Variants in KDM1A observed in about 807,000 individuals in gnomAD.
The protein encoded by KDM1A is lysine-specific histone demethylase 1A.
Under a neutral mutation model 109.4 loss-of-function variants are expected in KDM1A, and 49 were observed. That is an observed-to-expected ratio of 0.45 (90% CI 0.36 to 0.57). The LOEUF is 0.57. Among genes scored for constraint, KDM1A ranks in the 20% least tolerant of loss-of-function variants. The pLI, the probability that KDM1A is intolerant of heterozygous loss-of-function variation, is 0.00. For synonymous variants in KDM1A, 380 were observed against 415.4 expected (o/e 0.91, Z 1.04); for missense variants, 668 against 1,116.6 (o/e 0.60, Z 5.73).
At chr1:23,053,204 G>C (rs1418824029) in intron 4 of KDM1A, among the ~76,000 whole-genome samples, 2 of 152,034 alleles carry the variant, frequency 1.3e-5, no homozygotes, top group African/African-American at 4.8e-5. Context: ...TAGCTCTATG[G>C]ATTTGGCAAG....
intron 2 of KDM1A, among the ~76,000 whole-genome samples, chr1:23,032,622 A>G (rs2124380895): frequency 6.6e-6 from 1 of 152,268 alleles, no homozygotes; most frequent in South Asian, 2.1e-4. Context: ...TTCTTCCTTT[A>G]AAACAACTTA....
intron 4 of KDM1A, among the ~76,000 whole-genome samples, chr1:23,051,168 C>T (rs1365596142): frequency 6.6e-6 from 1 of 152,082 alleles, no homozygotes; most frequent in Non-Finnish European, 1.5e-5. Flanking sequence ...AAATCTTTAC[C>T]CTGTTCTGCT....
chr1:23,057,700 G>A, intron 8 of KDM1A, 135 bp downstream of exon 8: 1 of 534,312 alleles, frequency 1.9e-6, no homozygotes, highest in Non-Finnish European at 3.4e-6. Context: ...ATAGCAGTAT[G>A]TGGAAAATGT....
At chr1:23,058,307 G>C (rs1642897161) in intron 8 of KDM1A, among the ~76,000 whole-genome samples, 2 of 152,066 alleles carry the variant, frequency 1.3e-5, no homozygotes, top group Admixed American at 1.3e-4. Context: ...TCAAACTCCT[G>C]ACCTCAGGTG....
rs1462819020 is a variant in KDM1A at position 23,030,362 on chromosome 1, C to T, written c.352-107C>T. The T allele has an allele frequency of 1.5e-5, 12 of 808,702 alleles. 1 individual carries two copies. In the East Asian group the frequency reaches 2.9e-4, roughly 20 times the overall value. 50.1% of individuals were successfully genotyped at this position (808,702 alleles called of 1,614,324 possible). A position where few individuals can be genotyped will look rare whatever the true frequency, so the allele number is the denominator to read the frequency against. ...TTGTTCCTTGTTGTATGCTTACTTC[C>T]CTTAAAATGTGAGGTTAACAATTTA... On this transcript the variant is annotated intron_variant, in intron 1 of 20. Coordinates refer to ENST00000400181, the MANE Select transcript of KDM1A (RefSeq NM_001009999.3).
chr1:23,036,728 CTT>C (rs1642157981), intron 2 of KDM1A, among the ~76,000 whole-genome samples: 2 of 151,954 alleles, frequency 1.3e-5, no homozygotes, highest in African/African-American at 2.4e-5. Context: ...GCAAAAAACT[CTT>C]AAGTGTGATA....
At chr1:23,078,103 A>G (rs1161022746) in intron 16 of KDM1A, among the ~76,000 whole-genome samples, 2 of 152,216 alleles carry the variant, frequency 1.3e-5, no homozygotes, top group Non-Finnish European at 2.9e-5. Context: ...CATAGCCATC[A>G]ATCTTACCCT....
intron 10 of KDM1A, 68 bp from the exon 11 acceptor site, chr1:23,068,470 AT>A: frequency 7.7e-7 from 1 of 1,295,334 alleles, no homozygotes; most frequent in Non-Finnish European, 1.1e-6. Flanking sequence ...ACTATAGAGC[AT>A]TTGTGTTTTC....
chr1:23,068,305 G>C (rs1174942372), intron 10 of KDM1A, among the ~76,000 whole-genome samples: 1 of 152,192 alleles, frequency 6.6e-6, no homozygotes, highest in Non-Finnish European at 1.5e-5. Flanking sequence ...TGGAGTCCCA[G>C]CTCTGACGGC....
In KDM1A at chr1:23,057,519, A is replaced by G. The variant is rs1642866712; in HGVS notation, c.1026A>G (p.Lys342=). The G allele has an allele frequency of 6.2e-7, 1 of 1,613,852 alleles. No individual in the cohort carries two copies. The highest frequency in any genetic ancestry group is 8.5e-7 in the Non-Finnish European group (1 of 1,179,916). ...GTGGACGAGTTGCCACATTTCGCAA[A>G]GGAAACTATGTAGCTGATCTTGGAG... The part of the protein sequence containing the change: ...RVGGRVATFR[K]GNYVADLGAM... Residue 342 remains lysine, a synonymous_variant, in exon 8 of 21, where the codon AAA becomes AAG. Transcript: ENST00000400181.
At position 23,083,532 on chromosome 1, in the gene KDM1A, C is replaced by A; in HGVS notation, c.*168C>A. ...AAGGAGCTTGCCTCCTTTGAATGAC[C>A]TAGAGCACAGGGAGGAACTTGTCCA... On this transcript the variant is annotated 3_prime_UTR_variant, in exon 21 of 21. Coordinates refer to ENST00000400181, the MANE Select transcript of KDM1A (RefSeq NM_001009999.3). 2 of 575,004 alleles carry A rather than the reference C, an allele frequency of 3.5e-6. No homozygotes were observed. The highest frequency in any genetic ancestry group is 3.0e-6 in the Non-Finnish European group (1 of 338,110). The allele number at this position is 575,004 out of a possible 1,614,324, so 35.6% of individuals were successfully genotyped here.
intron 2 of KDM1A, among the ~76,000 whole-genome samples, chr1:23,041,461 G>A (rs1400915494): frequency 1.5e-5 from 1 of 68,348 alleles, no homozygotes; most frequent in Non-Finnish European, 2.7e-5. Context: ...TTTTTTTTTG[G>A]AGACCGAGTC....
In KDM1A at chr1:23,024,220, A is replaced by G. The variant is rs377138169; in HGVS notation, c.351+4273A>G. 4.2e-4 allele frequency among the ~76,000 whole-genome samples: 64 copies of G among 152,022 alleles called. 1 individual carries two copies. The South Asian group carries it at 9.5e-3, about 23-fold the overall frequency. ...TACTTACCCTGTTTTTTAATCCCCC[A>G]TTGTAATTAGCTCTTAAACTTTCAG... is the stretch of plus-strand genomic sequence containing the variant. On this transcript the variant is annotated intron_variant, in intron 1 of 20. Transcript: ENST00000400181.
At chr1:23,024,922 G>T (rs1641749717) in intron 1 of KDM1A, among the ~76,000 whole-genome samples, 1 of 152,214 alleles carries the variant, frequency 6.6e-6, no homozygotes. Flanking sequence ...AAAGGAAGTG[G>T]TTTGAGAAGC....
At chr1:23,041,784 C>T (rs1026287868) in intron 2 of KDM1A, among the ~76,000 whole-genome samples, 4 of 147,832 alleles carry the variant, frequency 2.7e-5, no homozygotes, top group Non-Finnish European at 4.6e-5. Context: ...TATGGGATCC[C>T]TTTTAAAAAT....
chr1:23,065,997 C>G, intron 9 of KDM1A, 63 bp from the exon 10 acceptor site: 4 of 1,594,736 alleles, frequency 2.5e-6, no homozygotes, highest in Non-Finnish European at 3.4e-6. Context: ...CAAAACTAAA[C>G]TTGATGTGGC....
rs1271998181 is a variant in KDM1A at position 23,066,007 on chromosome 1, C to T, written c.1168-53C>T. The T allele has an allele frequency of 3.1e-6, 5 of 1,601,270 alleles. No individual in the cohort carries two copies. The Admixed American group carries it at 7.0e-5, about 22-fold the overall frequency. ...TCATACAAAACTAAACTTGATGTGG[C>T]TGTTGGGCTGTTATTTACAGTTTAT... On this transcript the variant is annotated intron_variant, in intron 9 of 20. Coordinates refer to ENST00000400181, the MANE Select transcript of KDM1A (RefSeq NM_001009999.3).
intron 10 of KDM1A, among the ~76,000 whole-genome samples, chr1:23,066,319 A>C (rs989368106): frequency 1.3e-5 from 2 of 152,198 alleles, no homozygotes; most frequent in Non-Finnish European, 1.5e-5. Flanking sequence ...TAATGAATCC[A>C]GTGGGCTGCT....
At chr1:23,057,691 T>C in intron 8 of KDM1A, 126 bp downstream of exon 8, 1 of 606,970 alleles carries the variant, frequency 1.6e-6, no homozygotes, top group Non-Finnish European at 2.9e-6. Context: ...GTGAGAGGTA[T>C]AGCAGTATGT....
Sources: allele counts gnomAD v4.1 joint callset (sites outside exome capture counted in the v4.1 genomes callset), GRCh38; gene constraint gnomAD v4.1.1; transcripts MANE v1.5; gene names NCBI Gene and HGNC (gene_info 2026-07-23, HGNC 2026-07-21).